Variants in ASIC2 observed in about 807,000 individuals in gnomAD.
ASIC2 encodes the protein acid-sensing ion channel 2.
In ASIC2, 25 loss-of-function variants were observed where a neutral mutation model predicts 57.3. The ratio of observed to expected loss-of-function variants is 0.44; its 90% CI spans 0.32 to 0.61. The LOEUF (loss-of-function observed/expected upper bound fraction) is 0.61, where lower values mean the gene tolerates loss of function less well. Among genes scored for constraint, ASIC2 ranks in the 20% least tolerant of loss-of-function variants. The probability of loss-of-function intolerance (pLI) is 0.06; values close to 1 mark genes in which losing one functional copy is unlikely to be tolerated. For missense variants in ASIC2, 641 were observed against 738.1 expected (o/e 0.87, Z 1.52); for synonymous variants, 319 against 307.5 (o/e 1.04, Z -0.39).
chr17:33,284,036 C>G (rs1335911316), intron 1 of ASIC2, among the ~76,000 whole-genome samples: 2 of 152,032 alleles, frequency 1.3e-5, no homozygotes, highest in Non-Finnish European at 2.9e-5. Context: ...CTGTTGTTAG[C>G]TGAAATAAAA....
chr17:33,384,873 A>G, intron 1 of ASIC2, among the ~76,000 whole-genome samples: 1 of 152,190 alleles, frequency 6.6e-6, no homozygotes, highest in East Asian at 1.9e-4. Context: ...TGGGTCTCAT[A>G]TGCCCAATGC....
chr17:33,128,390 A>G (rs2092332703), intron 1 of ASIC2, among the ~76,000 whole-genome samples: 1 of 152,132 alleles, frequency 6.6e-6, no homozygotes, highest in African/African-American at 2.4e-5. Context: ...TCCACACTAG[A>G]CTATAAGCTC....
At chr17:33,836,133 T>C (rs1356652412) in intron 1 of ASIC2, among the ~76,000 whole-genome samples, 1 of 148,538 alleles carries the variant, frequency 6.7e-6, no homozygotes, top group Non-Finnish European at 1.5e-5. Flanking sequence ...TTTTTTTTTT[T>C]TTTGGAGACA....
At chr17:33,480,944 T>C (rs1265927728) in intron 1 of ASIC2, among the ~76,000 whole-genome samples, 1 of 152,218 alleles carries the variant, frequency 6.6e-6, no homozygotes, top group African/African-American at 2.4e-5. Context: ...GTTTGCTCTT[T>C]GACCTCATTA....
chr17:33,578,022 C>T (rs551931594), intron 1 of ASIC2, among the ~76,000 whole-genome samples: 2 of 152,220 alleles, frequency 1.3e-5, no homozygotes, highest in East Asian at 1.9e-4. Context: ...TTGCACACAG[C>T]GAGGACTCAA....
chr17:33,355,520 G>A (rs1199473315), intron 1 of ASIC2, among the ~76,000 whole-genome samples: 2 of 151,912 alleles, frequency 1.3e-5, no homozygotes, highest in Non-Finnish European at 2.9e-5. Flanking sequence ...AGATGGGGGC[G>A]GGGGCTTTAA....
chr17:33,302,705 GA>G (rs1284830715), intron 1 of ASIC2, among the ~76,000 whole-genome samples: 6 of 152,140 alleles, frequency 3.9e-5, no homozygotes, highest in Non-Finnish European at 5.9e-5. Context: ...AAGAAGAGCA[GA>G]AAGGAAGAGT....
At chr17:33,457,127 T>C (rs1018111627) in intron 1 of ASIC2, among the ~76,000 whole-genome samples, 3 of 152,226 alleles carry the variant, frequency 2.0e-5, no homozygotes, top group Admixed American at 6.5e-5. Context: ...CACAGGAGTA[T>C]ATAAAGTACT....
At chr17:33,685,932 C>G (rs1055604992) in intron 1 of ASIC2, among the ~76,000 whole-genome samples, 5 of 152,190 alleles carry the variant, frequency 3.3e-5, no homozygotes, top group Non-Finnish European at 5.9e-5. Context: ...GGCTGCTGCT[C>G]TCAGTCACGG....
chr17:34,009,434 A>G (rs902729209), intron 1 of ASIC2, among the ~76,000 whole-genome samples: 9 of 152,250 alleles, frequency 5.9e-5, no homozygotes, highest in African/African-American at 2.2e-4. Context: ...CTGAAGACTT[A>G]GCTCAAAAAA....
At chr17:33,291,272 G>A in intron 1 of ASIC2, 136 bp downstream of exon 1, 1 of 1,419,466 alleles carries the variant, frequency 7.0e-7, no homozygotes, top group South Asian at 1.6e-5. Flanking sequence ...ACCCAAGAAT[G>A]GGTTCTGCCT....
At chr17:33,284,836 A>G (rs1905083732) in intron 1 of ASIC2, among the ~76,000 whole-genome samples, 1 of 152,210 alleles carries the variant, frequency 6.6e-6, no homozygotes, top group Non-Finnish European at 1.5e-5. Context: ...GGTACCCAAT[A>G]CAAATCCTAG....
chr17:33,312,693 G>T (rs1250090512), intron 1 of ASIC2, among the ~76,000 whole-genome samples: 1 of 152,198 alleles, frequency 6.6e-6, no homozygotes, highest in African/African-American at 2.4e-5. Flanking sequence ...CCAGCACTTG[G>T]GGAAGTTGAG....
intron 1 of ASIC2, among the ~76,000 whole-genome samples, chr17:33,662,487 G>A (rs927373752): frequency 1.7e-5 from 1 of 57,832 alleles, no homozygotes; most frequent in Non-Finnish European, 3.1e-5. Flanking sequence ...CAGGTGTGGT[G>A]GGGGGGGCAC....
intron 1 of ASIC2, among the ~76,000 whole-genome samples, chr17:33,613,181 CG>C (rs1177788292): frequency 1.3e-5 from 2 of 152,042 alleles, no homozygotes; most frequent in Non-Finnish European, 2.9e-5. Flanking sequence ...TACGATTTCC[CG>C]GATAACCCCT....
intron 1 of ASIC2, among the ~76,000 whole-genome samples, chr17:33,714,990 T>TATG (rs1480930353): frequency 6.8e-6 from 1 of 147,566 alleles, no homozygotes; most frequent in East Asian, 2.0e-4. Flanking sequence ...GCTAATTTAT[T>TATG]ATTATTATTA....
intron 1 of ASIC2, among the ~76,000 whole-genome samples, chr17:33,420,212 T>C (rs1349794965): frequency 6.6e-6 from 1 of 152,228 alleles, no homozygotes; most frequent in African/African-American, 2.4e-5. Flanking sequence ...ACCCATTGTT[T>C]GCAGGATATT....
intron 1 of ASIC2, among the ~76,000 whole-genome samples, chr17:33,672,106 C>T (rs185515269): frequency 3.9e-5 from 6 of 152,302 alleles, no homozygotes; most frequent in South Asian, 2.1e-4. Flanking sequence ...ATAAACCTCC[C>T]GGTTCTTAAC....
rs527788817 is a variant in ASIC2 at position 33,202,299 on chromosome 17, C to G, written c.708+89109G>C. ...CTCCCCACAGGGACAGCTGCGGGTTCATTATGCGTGATGAGTTTGGGAGGG... is the reference window on the plus strand; with the variant it reads ...CTCCCCACAGGGACAGCTGCGGGTTGATTATGCGTGATGAGTTTGGGAGGG... On this transcript the variant is annotated intron_variant, in intron 1 of 9. Coordinates refer to ENST00000225823, the MANE Select transcript of ASIC2 (RefSeq NM_183377.2). Among the ~76,000 whole-genome samples the G allele has an allele frequency of 5.3e-5, 8 of 152,244 alleles. No individual in the cohort carries two copies. The South Asian group carries it at 1.7e-3, about 32-fold the overall frequency.
Sources: allele counts gnomAD v4.1 joint callset (sites outside exome capture counted in the v4.1 genomes callset), GRCh38; gene constraint gnomAD v4.1.1; transcripts MANE v1.5; gene names NCBI Gene and HGNC (gene_info 2026-07-23, HGNC 2026-07-21).